AGPS: variants seen among roughly 807,000 people sequenced by gnomAD.
The protein encoded by AGPS is alkyldihydroxyacetonephosphate synthase, peroxisomal.
Under a neutral mutation model 90.7 loss-of-function variants are expected in AGPS, and 26 were observed. That is an observed-to-expected ratio of 0.29 (90% CI 0.21 to 0.40). The LOEUF (loss-of-function observed/expected upper bound fraction) is 0.40, where lower values mean the gene tolerates loss of function less well. Ranked by LOEUF, AGPS falls within the 10% of genes least tolerant of loss-of-function variation. The pLI is 1.00. For missense variants in AGPS, 540 were observed against 816.1 expected, an observed-to-expected ratio of 0.66 and a Z score of 4.12; for synonymous variants, 294 against 285.3, an observed-to-expected ratio of 1.03 and a Z score of -0.31.
intron 12 of AGPS, among the ~76,000 whole-genome samples, chr2:177,495,917 CAAAAAAAAAAA>C (rs57571340): frequency 2.1e-5 from 2 of 93,184 alleles, no homozygotes; most frequent in African/African-American, 8.2e-5. Context: ...GACTCTGTCT[CAAAAAAAAAAA>C]AAAAAAAAAA....
intron 1 of AGPS, among the ~76,000 whole-genome samples, chr2:177,419,340 G>T (rs1479575120): frequency 6.6e-6 from 1 of 151,750 alleles, no homozygotes; most frequent in African/African-American, 2.4e-5. Context: ...GATAGAAAAG[G>T]GTTTTTGTTA....
intron 9 of AGPS, among the ~76,000 whole-genome samples, chr2:177,466,248 G>A (rs1687445867): frequency 6.6e-6 from 1 of 152,200 alleles, no homozygotes; most frequent in South Asian, 2.1e-4. Flanking sequence ...GATCCACAGT[G>A]GGTAGCTCCA....
intron 17 of AGPS, among the ~76,000 whole-genome samples, chr2:177,519,877 C>T (rs1305921526): frequency 6.6e-6 from 1 of 152,220 alleles, no homozygotes; most frequent in Admixed American, 6.5e-5. Context: ...ATGACTACTC[C>T]ATAGACAGAG....
intron 11 of AGPS, among the ~76,000 whole-genome samples, chr2:177,485,064 G>A (rs557071995): frequency 4.6e-5 from 7 of 152,162 alleles, no homozygotes; most frequent in African/African-American, 1.7e-4. Context: ...CACCATGCCC[G>A]GCCCCAAATT....
chr2:177,442,550 A>T (rs940465441), intron 7 of AGPS, 64 bp downstream of exon 7: 10 of 1,351,740 alleles, frequency 7.4e-6, no homozygotes, highest in Non-Finnish European at 1.0e-5. Flanking sequence ...AATTGTCATT[A>T]AAAAAGAATC....
At position 177,538,242 on chromosome 2, in the gene AGPS, T is replaced by C. The variant is rs2079201446; in HGVS notation, c.*47T>C. The stretch of plus-strand genomic sequence containing the variant: ...AAAATGTCAATTTTTTTTTTAAGTT[T>C]TCAACTGTGGTTATACTAGTAATCA... On this transcript the variant is annotated 3_prime_UTR_variant, in exon 20 of 20. Coordinates refer to ENST00000264167, the MANE Select transcript of AGPS (RefSeq NM_003659.4). 6.3e-7 allele frequency: 1 copy of C among 1,578,470 alleles called. No homozygotes were observed.
intron 10 of AGPS, among the ~76,000 whole-genome samples, chr2:177,472,150 A>G (rs10170667): frequency 0.71 from 106,821 of 150,780 alleles, 38,207 homozygotes; most frequent in Admixed American, 0.78. Flanking sequence ...TTTCATCCTC[A>G]GGGACATTGA....
intron 5 of AGPS, among the ~76,000 whole-genome samples, chr2:177,438,281 C>T (rs1686478337): frequency 6.6e-6 from 1 of 152,122 alleles, no homozygotes; most frequent in South Asian, 2.1e-4. Flanking sequence ...GAGAGTTGGG[C>T]TTGGCAGTGC....
rs531240941 is a variant in AGPS at position 177,499,829 on chromosome 2, A to G, written c.1475+99A>G. ...AAGTACTAGGCATTAATGTCTCCAAACAGACTGCATGTCTCAAAGTAGTTA... is the reference window on the plus strand; with the variant it reads ...AAGTACTAGGCATTAATGTCTCCAAGCAGACTGCATGTCTCAAAGTAGTTA... On this transcript the variant is annotated intron_variant, in intron 14 of 19. Coordinates refer to ENST00000264167, the MANE Select transcript of AGPS (RefSeq NM_003659.4). 5.4e-5 allele frequency: 42 copies of G among 782,780 alleles called. No homozygotes were observed. In the African/African-American group the frequency reaches 6.2e-4, roughly 12 times the overall value. 48.5% of individuals were successfully genotyped at this position (782,780 alleles called of 1,614,324 possible).
chr2:177,461,838 T>C, intron 8 of AGPS, 55 bp from the exon 9 acceptor site: 1 of 1,549,668 alleles, frequency 6.5e-7, no homozygotes, highest in Non-Finnish European at 8.8e-7. Context: ...ATGTGTTGAG[T>C]GCTGTACGTA....
At position 177,449,841 on chromosome 2, in the gene AGPS, CA is replaced by C. The variant is rs1346099068; in HGVS notation, c.870+4217del. Among the ~76,000 whole-genome samples the C allele has an allele frequency of 2.6e-5, 4 of 151,536 alleles. No individual in the cohort carries two copies. The East Asian group carries it at 7.7e-4, about 29-fold the overall frequency. ...TGAAGTTCTCCTTAAATTATTTGCC[CA>C]ATTTTTTTTTTTTGAGATGGAGTGT... On this transcript the variant is annotated intron_variant, in intron 8 of 19. Coordinates refer to ENST00000264167, the MANE Select transcript of AGPS (RefSeq NM_003659.4).
At chr2:177,420,466 A>G (rs1685912201) in intron 2 of AGPS, 108 bp downstream of exon 2, 1 of 854,178 alleles carries the variant, frequency 1.2e-6, no homozygotes, top group Non-Finnish European at 1.9e-6. Context: ...TTTAAACATT[A>G]TCAACATTTT....
At chr2:177,490,803 T>G (rs1257900217) in intron 11 of AGPS, among the ~76,000 whole-genome samples, 2 of 151,128 alleles carry the variant, frequency 1.3e-5, no homozygotes, top group Non-Finnish European at 2.9e-5. Flanking sequence ...GTTTAACATG[T>G]ACGTGTATAT....
At chr2:177,461,091 G>A (rs577524833) in intron 8 of AGPS, among the ~76,000 whole-genome samples, 2 of 152,312 alleles carry the variant, frequency 1.3e-5, no homozygotes, top group East Asian at 1.9e-4. Context: ...TATCAAAATG[G>A]TCAACACAGA....
intron 9 of AGPS, among the ~76,000 whole-genome samples, chr2:177,465,484 T>C (rs1354116261): frequency 1.3e-5 from 2 of 152,188 alleles, no homozygotes; most frequent in Non-Finnish European, 2.9e-5. Context: ...TGGCAGGCTG[T>C]GCTTGGCTCA....
chr2:177,434,872 T>C (rs532770666), intron 3 of AGPS, among the ~76,000 whole-genome samples: 4 of 151,584 alleles, frequency 2.6e-5, no homozygotes, highest in Non-Finnish European at 4.4e-5. Flanking sequence ...AGTATTAGGA[T>C]ATTTAGAATA....
At chr2:177,438,376 C>T (rs1449008558) in intron 5 of AGPS, among the ~76,000 whole-genome samples, 1 of 152,130 alleles carries the variant, frequency 6.6e-6, no homozygotes, top group East Asian at 1.9e-4. Context: ...TAGTGAGTCC[C>T]TCATGTCTTA....
intron 19 of AGPS, among the ~76,000 whole-genome samples, chr2:177,531,124 G>A (rs2079133461): frequency 6.6e-6 from 1 of 151,926 alleles, no homozygotes; most frequent in East Asian, 1.9e-4. Context: ...AAAAGTAAAA[G>A]GAAACTACTC....
At chr2:177,470,713 AAAAAAAAAAAAAG>A (rs1687589549) in intron 10 of AGPS, among the ~76,000 whole-genome samples, 2 of 150,254 alleles carry the variant, frequency 1.3e-5, no homozygotes, top group African/African-American at 4.9e-5. Flanking sequence ...TTTGTCTCAA[AAAAAAAAAAAAAG>A]AAAAAAAAAA....
Sources: gnomAD v4.1 joint callset for allele counts (sites outside exome capture counted in the v4.1 genomes callset) on GRCh38, gnomAD v4.1.1 for gene constraint, MANE v1.5 for transcripts, NCBI Gene and HGNC (gene_info 2026-07-23, HGNC 2026-07-21) for gene names.